POLR2B: variants seen among roughly 807,000 people sequenced by gnomAD.
POLR2B encodes DNA-directed RNA polymerase II subunit RPB2.
Under a neutral mutation model 144.6 loss-of-function variants are expected in POLR2B, and 57 were observed. The ratio of observed to expected loss-of-function variants is 0.39; its 90% CI spans 0.32 to 0.49. The LOEUF is 0.49. Among genes scored for constraint, POLR2B ranks in the 20% least tolerant of loss-of-function variants. POLR2B has a pLI of 0.83. For synonymous variants in POLR2B, 442 were observed against 469.8 expected (o/e 0.94, Z 0.77); for missense variants, 595 against 1,467.4 (o/e 0.41, Z 9.71).
chr4:56,993,265 T>A (rs1265209322), intron 3 of POLR2B, among the ~76,000 whole-genome samples: 1 of 152,112 alleles, frequency 6.6e-6, no homozygotes, highest in Non-Finnish European at 1.5e-5. Context: ...ATCACGCCAC[T>A]GCACTCCATC....
In POLR2B at chr4:56,990,282, A is replaced by G. The variant is rs181345290; in HGVS notation, c.93-466A>G. 1.4e-3 allele frequency among the ~76,000 whole-genome samples: 213 copies of G among 152,138 alleles called. 1 individual carries two copies. The highest frequency in any genetic ancestry group is 5.0e-3 in the African/African-American group (206 of 41,514). ...TCGCTGTCTCCTAGGCTGGAGTGCA[A>G]TGATGCAATCATGACTCAATGCAGC... is the stretch of plus-strand genomic sequence containing the variant. On this transcript the variant is annotated intron_variant, in intron 2 of 24. Transcript: ENST00000314595.
Position 57,010,875 on chromosome 4 carries a change from C to CA in POLR2B, c.1677dup (p.Ala560SerfsTer4). 1 of 1,608,664 alleles carries CA rather than the reference C, an allele frequency of 6.2e-7. No individual in the cohort carries two copies. The highest frequency in any genetic ancestry group is 1.1e-5 in the South Asian group (1 of 90,620). On this transcript the variant is annotated frameshift_variant, in exon 12 of 25. Transcript: ENST00000314595. LOFTEE classifies it high-confidence loss of function. ...GAAAATTTAGAAGAAATTTCTCCTG[C>CA]AGCTATTGCTGAGTGTGTATAGATG...
At chr4:57,003,633 G>A (rs941263102) in intron 7 of POLR2B, among the ~76,000 whole-genome samples, 13 of 151,866 alleles carry the variant, frequency 8.6e-5, no homozygotes, top group African/African-American at 3.1e-4. Context: ...TGGGTAGATC[G>A]TTTGAGGCCA....
At position 57,023,652 on chromosome 4, in the gene POLR2B, A is replaced by G. The variant is rs1321971813; in HGVS notation, c.2767-10A>G. The G allele has an allele frequency of 8.7e-6, 14 of 1,611,036 alleles. No homozygotes were observed. The highest frequency in any genetic ancestry group is 1.2e-5 in the Non-Finnish European group (14 of 1,178,280). On this transcript the variant is annotated splice_polypyrimidine_tract_variant and intron_variant, in intron 19 of 24. Transcript: ENST00000314595. This position sits in a 1 kb window ranked among gnomAD's most constrained non-coding sequence, Gnocchi z 4.3. ...ATCCACTTAACTAACTTATTTTTATATGAATTTAGGTACGCTCTGTTAGGA... is the reference window on the plus strand; with the variant it reads ...ATCCACTTAACTAACTTATTTTTATGTGAATTTAGGTACGCTCTGTTAGGA...
chr4:57,001,017 G>T (rs1052848739), intron 7 of POLR2B, among the ~76,000 whole-genome samples: 1 of 152,092 alleles, frequency 6.6e-6, no homozygotes, highest in Non-Finnish European at 1.5e-5. Context: ...TTTGTCAGTT[G>T]TCCTGATAAT....
At chr4:57,028,651 T>A (rs780203808) in intron 23 of POLR2B, among the ~76,000 whole-genome samples, 8 of 152,224 alleles carry the variant, frequency 5.3e-5, no homozygotes, top group Non-Finnish European at 1.2e-4. Context: ...TATTCATGTT[T>A]CCACCATCAG....
At chr4:57,027,702 C>T (rs1266380642) in intron 23 of POLR2B, among the ~76,000 whole-genome samples, 1 of 152,148 alleles carries the variant, frequency 6.6e-6, no homozygotes, top group Non-Finnish European at 1.5e-5. Flanking sequence ...TATGAATGAA[C>T]CTTCTGTATT....
chr4:57,028,043 C>G (rs536665533), intron 23 of POLR2B, among the ~76,000 whole-genome samples: 8 of 152,014 alleles, frequency 5.3e-5, no homozygotes, highest in Non-Finnish European at 8.8e-5. Flanking sequence ...TTACTTTTTT[C>G]GTTTGCTTTC....
At chr4:57,018,397 T>C (rs1723433730) in intron 16 of POLR2B, among the ~76,000 whole-genome samples, 3 of 152,170 alleles carry the variant, frequency 2.0e-5, no homozygotes, top group African/African-American at 4.8e-5. Flanking sequence ...AAGATACCTT[T>C]TGAAATACAC....
intron 6 of POLR2B, 21 bp from the exon 7 acceptor site, chr4:56,999,595 TA>T: frequency 6.4e-7 from 1 of 1,552,912 alleles, no homozygotes; most frequent in Non-Finnish European, 8.8e-7. Flanking sequence ...ATTCATGTTC[TA>T]ATGATACTTT....
chr4:57,023,593 T>G lies in POLR2B; in HGVS notation c.2766+13T>G. The G allele has an allele frequency of 6.2e-7, 1 of 1,613,186 alleles. No individual in the cohort carries two copies. The highest frequency in any genetic ancestry group is 8.5e-7 in the Non-Finnish European group (1 of 1,179,290). Reference sequence around the variant, plus strand: ...TTGTAAAATAAGGGTGAGTACAACTTTGTTCATGTAGCTAGTTTTAGAAAG... The same window carrying G: ...TTGTAAAATAAGGGTGAGTACAACTGTGTTCATGTAGCTAGTTTTAGAAAG... On this transcript the variant is annotated intron_variant, in intron 19 of 24. Transcript: ENST00000314595. The surrounding 1 kb of genome is among the most constrained non-coding windows in gnomAD (Gnocchi z 4.3).
In POLR2B at chr4:57,026,095, G is replaced by A. The variant is rs1436722054; in HGVS notation, c.3239+558G>A. Among the ~76,000 whole-genome samples the A allele has an allele frequency of 5.3e-5, 8 of 152,016 alleles. No homozygotes were observed. The East Asian group carries it at 1.5e-3, about 29-fold the overall frequency. On this transcript the variant is annotated intron_variant, in intron 23 of 24. Transcript: ENST00000314595. ...CTACTAAAAATACAAAAAATTAGTC[G>A]GGCATGGTGGCACACACCTGTAATC...
In POLR2B at chr4:57,030,291, G is replaced by A. The variant is rs1299655809; in HGVS notation, c.3327G>A (p.Glu1109=). The A allele has an allele frequency of 6.2e-7, 1 of 1,614,026 alleles. No individual in the cohort carries two copies. The highest frequency in any genetic ancestry group is 8.5e-7 in the Non-Finnish European group (1 of 1,179,876). ...AAQFLRERLF[E]ASDPYQVHVC... is the part of the protein sequence containing the mutation. ...AGTTTTTAAGGGAAAGATTGTTTGA[G>A]GCATCAGATCCATATCAGGTTCATG... Residue 1109 remains glutamate (E), a synonymous_variant, in exon 24 of 25, where the codon GAG becomes GAA. Transcript: ENST00000314595.
intron 1 of POLR2B, among the ~76,000 whole-genome samples, chr4:56,980,389 A>G (rs1578550239): frequency 1.3e-5 from 2 of 152,280 alleles, no homozygotes; most frequent in Admixed American, 6.5e-5. Flanking sequence ...TGGCTGGGTA[A>G]TATATTCTCA....
At chr4:57,010,535 A>G (rs770915579) in intron 11 of POLR2B, 31 bp downstream of exon 11, 22 of 1,593,902 alleles carry the variant, frequency 1.4e-5, no homozygotes, top group Middle Eastern at 1.7e-4. Context: ...TTCAGGACAA[A>G]AAGTCAGTGG....
At chr4:56,996,288 T>TA (rs1722685984) in intron 6 of POLR2B, among the ~76,000 whole-genome samples, 1 of 129,110 alleles carries the variant, frequency 7.7e-6, no homozygotes, top group Admixed American at 8.1e-5. Context: ...ATTTTTTTTT[T>TA]TTTTTTTTTT....
chr4:57,007,297 C>T lies in POLR2B; in HGVS notation c.1404+295C>T, dbSNP rs564737589. On this transcript the variant is annotated intron_variant, in intron 10 of 24. Transcript: ENST00000314595. The stretch of plus-strand genomic sequence containing the variant: ...TGGTGGTGGGTGTCTGTAATCCCAG[C>T]TACTCTACTTGGGAGGCTGAGGCAG... Among the ~76,000 whole-genome samples the T allele has an allele frequency of 1.7e-3, 259 of 152,198 alleles. 2 individuals carry two copies. Among genetic ancestry groups the T allele is most frequent in the African/African-American group, 5.1e-3 (210 of 41,546 alleles).
chr4:56,988,125 G>A (rs1314374833), intron 2 of POLR2B, among the ~76,000 whole-genome samples: 1 of 151,944 alleles, frequency 6.6e-6, no homozygotes, highest in East Asian at 1.9e-4. Flanking sequence ...TTTCCATAAG[G>A]AGTTGATGGT....
Position 57,007,774 on chromosome 4 carries a change from T to C in POLR2B, c.1404+772T>C, listed in dbSNP as rs943234976. ...AAAAGCTTTTTAAAGAGTGTATCAC[T>C]GGGCATTTTAATTTTTTGTATTTGC... On this transcript the variant is annotated intron_variant, in intron 10 of 24. Coordinates refer to ENST00000314595, the MANE Select transcript of POLR2B (RefSeq NM_000938.3). Among the ~76,000 whole-genome samples, 12 of 152,324 alleles carry C rather than the reference T, an allele frequency of 7.9e-5. No homozygotes were observed. In the East Asian group the frequency reaches 2.3e-3, roughly 29 times the overall value.
Sources: allele counts gnomAD v4.1 joint callset (sites outside exome capture counted in the v4.1 genomes callset), GRCh38; gene constraint gnomAD v4.1.1; non-coding constraint Gnocchi (gnomAD v3.1); transcripts MANE v1.5; gene names NCBI Gene and HGNC (gene_info 2026-07-23, HGNC 2026-07-21).